The following CA10 variants were observed in gnomAD, a reference collection of about 807,000 sequenced individuals.
CA10 encodes carbonic anhydrase-related protein 10.
CA10 carries 14 observed loss-of-function variants against 44.2 expected under a neutral mutation model. That is an observed-to-expected ratio of 0.32 (90% CI 0.21 to 0.50). CA10 has a LOEUF of 0.50. Among genes scored for constraint, CA10 ranks in the 20% least tolerant of loss-of-function variants. The probability of loss-of-function intolerance (pLI) is 0.99; values close to 1 mark genes in which losing one functional copy is unlikely to be tolerated. For missense variants in CA10, 350 were observed against 409.7 expected, an observed-to-expected ratio of 0.85 and a Z score of 1.26; for synonymous variants, 159 against 141.6, an observed-to-expected ratio of 1.12 and a Z score of -0.87.
At chr17:51,633,971 T>C (rs1289216892) in intron 7 of CA10, among the ~76,000 whole-genome samples, 2 of 152,226 alleles carry the variant, frequency 1.3e-5, no homozygotes, top group African/African-American at 2.4e-5. Flanking sequence ...CTTTCTTTCT[T>C]TGATACTCTT....
chr17:51,739,241 A>G (rs1055629625), intron 4 of CA10, among the ~76,000 whole-genome samples: 4 of 152,136 alleles, frequency 2.6e-5, no homozygotes, highest in African/African-American at 9.7e-5. Context: ...GTTAAAAAAC[A>G]CAGCTAGTTC....
intron 4 of CA10, among the ~76,000 whole-genome samples, chr17:51,702,409 G>T (rs1410361167): frequency 1.3e-5 from 2 of 152,082 alleles, no homozygotes; most frequent in African/African-American, 4.8e-5. Flanking sequence ...ATCCTTGGTG[G>T]CACACAAGAT....
At chr17:52,130,396 T>C (rs542695941) in intron 1 of CA10, among the ~76,000 whole-genome samples, 1 of 152,264 alleles carries the variant, frequency 6.6e-6, no homozygotes, top group Middle Eastern at 3.4e-3. Context: ...AAACATGGAA[T>C]CCATCTAAAT....
At chr17:51,871,146 C>T (rs1187315589) in intron 3 of CA10, among the ~76,000 whole-genome samples, 1 of 145,298 alleles carries the variant, frequency 6.9e-6, no homozygotes, top group African/African-American at 2.5e-5. Context: ...GCAACCTCTG[C>T]TTCCTGGGTT....
intron 3 of CA10, among the ~76,000 whole-genome samples, chr17:51,819,393 C>T (rs1207595949): frequency 6.6e-6 from 1 of 151,962 alleles, no homozygotes; most frequent in African/African-American, 2.4e-5. Context: ...ATCCATGGCA[C>T]CACAAACCCT....
At chr17:52,059,381 C>T (rs548110035) in intron 2 of CA10, among the ~76,000 whole-genome samples, 64 of 152,256 alleles carry the variant, frequency 4.2e-4, no homozygotes, top group South Asian at 8.3e-4. Context: ...TGCCTAAGAT[C>T]TCATGTTTGG....
intron 2 of CA10, among the ~76,000 whole-genome samples, chr17:51,949,642 A>T (rs1323988936): frequency 1.3e-5 from 2 of 152,176 alleles, no homozygotes; most frequent in Non-Finnish European, 2.9e-5. Flanking sequence ...GCCAACGCAG[A>T]ACTCCTTATT....
At position 51,942,441 on chromosome 17, in the gene CA10, T is replaced by G. The variant is rs528659591; in HGVS notation, c.137-11309A>C. 2.0e-3 allele frequency among the ~76,000 whole-genome samples: 297 copies of G among 152,042 alleles called. 1 individual carries two copies. The highest frequency in any genetic ancestry group is 6.8e-3 in the African/African-American group (281 of 41,576). On this transcript the variant is annotated intron_variant, in intron 2 of 8. Transcript: ENST00000451037. ...GCTAGATTTTGCTTCTATGATATAG[T>G]GTCTTGACCAACACATTTCACTTGT...
At chr17:51,833,159 C>T (rs544099210) in intron 3 of CA10, among the ~76,000 whole-genome samples, 40 of 152,184 alleles carry the variant, frequency 2.6e-4, no homozygotes, top group South Asian at 2.5e-3. Flanking sequence ...GGGAGAATGA[C>T]GATGAAGTCC....
chr17:51,671,728 T>C (rs1237033748), intron 4 of CA10, among the ~76,000 whole-genome samples: 1 of 152,114 alleles, frequency 6.6e-6, no homozygotes, highest in African/African-American at 2.4e-5. Flanking sequence ...ATCCATGCGG[T>C]TTGTCTCTAC....
Position 51,994,189 on chromosome 17 carries a change from A to T in CA10, c.137-63057T>A, listed in dbSNP as rs576056354. Among the ~76,000 whole-genome samples, 7 of 152,134 alleles carry T rather than the reference A, an allele frequency of 4.6e-5. No individual in the cohort carries two copies. The East Asian group carries it at 1.2e-3, about 25-fold the overall frequency. ...AGAAAAAGGGCACAGAGTGTATTCAATTGCATGTAGCCCCATGGTCCATTG... is the reference window on the plus strand; with the variant it reads ...AGAAAAAGGGCACAGAGTGTATTCATTTGCATGTAGCCCCATGGTCCATTG... On this transcript the variant is annotated intron_variant, in intron 2 of 8. Transcript: ENST00000451037.
intron 4 of CA10, among the ~76,000 whole-genome samples, chr17:51,736,382 G>C (rs866754166): frequency 3.5e-4 from 54 of 152,282 alleles, no homozygotes; most frequent in African/African-American, 1.3e-3. Flanking sequence ...AACAGCAGCT[G>C]TTCCGGGATG....
intron 3 of CA10, chr17:51,763,178 C>G (rs1905263016): frequency 1.3e-5 from 2 of 152,218 alleles, no homozygotes; most frequent in African/African-American, 4.8e-5. Flanking sequence ...ATGTGGCTCA[C>G]TTTCTGCAAC....
intron 2 of CA10, among the ~76,000 whole-genome samples, chr17:51,985,446 G>A (rs1226198903): frequency 6.6e-6 from 1 of 151,934 alleles, no homozygotes; most frequent in African/African-American, 2.4e-5. Context: ...TCTGAGAACT[G>A]GAACAAGACA....
chr17:52,041,453 TTGACAAATA>T (rs1484740498), intron 2 of CA10, among the ~76,000 whole-genome samples: 6 of 152,082 alleles, frequency 3.9e-5, no homozygotes, highest in Admixed American at 6.6e-5. Context: ...TAAGGTATAA[TTGACAAATA>T]AAAATTGTAT....
At chr17:52,079,840 C>T (rs1987920719) in intron 1 of CA10, among the ~76,000 whole-genome samples, 1 of 152,178 alleles carries the variant, frequency 6.6e-6, no homozygotes, top group Non-Finnish European at 1.5e-5. Context: ...GAACTATTTA[C>T]ATCTCTGTCT....
chr17:51,747,671 A>T lies in CA10; in HGVS notation c.427T>A (p.Ser143Thr), dbSNP rs763972021. The T allele has an allele frequency of 3.1e-6, 5 of 1,613,852 alleles. No homozygotes were observed. Among genetic ancestry groups the T allele is most frequent in the African/African-American group, 1.3e-5 (1 of 74,890 alleles). Reference sequence around the variant, plus strand: ...GCCTGTCCATTGAGGAGGTGCTCCGACCCTTGGCTGTCCTCACTCCCAAAG... The same window carrying T: ...GCCTGTCCATTGAGGAGGTGCTCCGTCCCTTGGCTGTCCTCACTCCCAAAG... ...LHFGSEDSQG[S>T]EHLLNGQAFS... The change falls in exon 4 of 9, where the codon TCG becomes ACG. Residue 143 changes from serine to threonine, a missense_variant. By Grantham distance (58) the Ser-to-Thr change is moderately conservative (BLOSUM62 1). Transcript: ENST00000451037.
intron 3 of CA10, among the ~76,000 whole-genome samples, chr17:51,831,716 A>AGCGGCGGCAGCGGCGGCAGCGGCGGCG (rs1418205699): frequency 9.0e-6 from 1 of 111,176 alleles, no homozygotes; most frequent in African/African-American, 3.1e-5. Context: ...CAGCAGCAGC[A>AGCGGCGGCAGCGGCGGCAGCGGCGGCG]GCAGCAGCAG....
At chr17:51,964,039 C>T (rs942118264) in intron 2 of CA10, among the ~76,000 whole-genome samples, 8 of 151,976 alleles carry the variant, frequency 5.3e-5, no homozygotes, top group African/African-American at 1.9e-4. Context: ...CATAAACACA[C>T]TCATAGGTTA....
Sources: gnomAD v4.1 joint callset for allele counts (sites outside exome capture counted in the v4.1 genomes callset) on GRCh38, gnomAD v4.1.1 for gene constraint, MANE v1.5 for transcripts, NCBI Gene and HGNC (gene_info 2026-07-23, HGNC 2026-07-21) for gene names.